The following SLC35F1 variants were observed in gnomAD, a reference collection of about 807,000 sequenced individuals.
SLC35F1 encodes the protein chromosome 6 open reading frame 169.
In SLC35F1, 14 loss-of-function variants were observed where a neutral mutation model predicts 48.7. The ratio of observed to expected loss-of-function variants is 0.29; its 90% CI spans 0.19 to 0.45. The LOEUF (loss-of-function observed/expected upper bound fraction) is 0.45, where lower values mean the gene tolerates loss of function less well. Among genes scored for constraint, SLC35F1 ranks in the 20% least tolerant of loss-of-function variants. SLC35F1 has a pLI of 1.00. For missense variants in SLC35F1, 404 were observed against 500.0 expected, an observed-to-expected ratio of 0.81 and a Z score of 1.83; for synonymous variants, 190 against 202.2, an observed-to-expected ratio of 0.94 and a Z score of 0.51.
chr6:118,251,723 G>T (rs1184136726), intron 3 of SLC35F1, among the ~76,000 whole-genome samples: 1 of 152,066 alleles, frequency 6.6e-6, no homozygotes, highest in East Asian at 1.9e-4. Context: ...GAAAGGACTT[G>T]GTGACTTATT....
In SLC35F1 at chr6:117,923,628, CAT is replaced by C. The variant is rs371926029; in HGVS notation, c.173+15734_173+15735del. On this transcript the variant is annotated intron_variant, in intron 1 of 7. Coordinates refer to ENST00000360388, the MANE Select transcript of SLC35F1 (RefSeq NM_001029858.4). ...ATATACATATACATATGTATATATA[CAT>C]ATATGTACATATGTACATATGTACA... 3.7e-4 allele frequency among the ~76,000 whole-genome samples: 28 copies of C among 74,798 alleles called. 8 individuals are homozygous for C. The highest frequency in any genetic ancestry group is 2.6e-3 in the Admixed American group (16 of 6,148). 49.1% of individuals were successfully genotyped at this position (74,798 alleles called of 152,430 possible).
At chr6:118,270,452 C>T (rs1044904753) in intron 4 of SLC35F1, among the ~76,000 whole-genome samples, 1 of 152,140 alleles carries the variant, frequency 6.6e-6, no homozygotes, top group Non-Finnish European at 1.5e-5. Context: ...TAGTCCCCAG[C>T]CTGGAAGACT....
intron 3 of SLC35F1, among the ~76,000 whole-genome samples, chr6:118,243,874 A>T (rs1009477718): frequency 1.3e-5 from 2 of 152,204 alleles, no homozygotes; most frequent in African/African-American, 4.8e-5. Flanking sequence ...ATGGAAGTTT[A>T]ATGACTATTC....
chr6:118,165,756 G>A (rs1774308282), intron 2 of SLC35F1, among the ~76,000 whole-genome samples: 1 of 152,202 alleles, frequency 6.6e-6, no homozygotes, highest in Non-Finnish European at 1.5e-5. Flanking sequence ...GCCAGGACAG[G>A]ATGGCATTCT....
Position 118,244,689 on chromosome 6 carries a change from T to C in SLC35F1, c.477+9053T>C, listed in dbSNP as rs546435109. Among the ~76,000 whole-genome samples the C allele has an allele frequency of 2.5e-3, 383 of 152,376 alleles. 2 individuals are homozygous for C. The highest frequency in any genetic ancestry group is 4.9e-3 in the Non-Finnish European group (334 of 68,028). ...ATAGTAACTGTCACTTTCTACTCTA[T>C]ATGATAATTGTTTATTTGTATATTT... On this transcript the variant is annotated intron_variant, in intron 3 of 7. Coordinates refer to ENST00000360388, the MANE Select transcript of SLC35F1 (RefSeq NM_001029858.4).
intron 1 of SLC35F1, among the ~76,000 whole-genome samples, chr6:118,049,596 CA>C (rs1257017138): frequency 6.6e-6 from 1 of 150,830 alleles, no homozygotes; most frequent in Non-Finnish European, 1.5e-5. Context: ...TTTATGCAGC[CA>C]AAAAACACAT....
intron 1 of SLC35F1, among the ~76,000 whole-genome samples, chr6:117,988,820 T>A (rs1776880935): frequency 6.6e-6 from 1 of 152,230 alleles, no homozygotes; most frequent in Non-Finnish European, 1.5e-5. Context: ...ACAGAGTTTC[T>A]GTTTGGGATG....
chr6:118,012,546 T>G (rs1562263971), intron 1 of SLC35F1, among the ~76,000 whole-genome samples: 2 of 152,254 alleles, frequency 1.3e-5, no homozygotes, highest in South Asian at 4.2e-4. Context: ...ATCCTGCTGC[T>G]TCCTTCCATA....
intron 1 of SLC35F1, among the ~76,000 whole-genome samples, chr6:118,092,434 C>A (rs896077962): frequency 6.6e-6 from 1 of 152,212 alleles, no homozygotes; most frequent in African/African-American, 2.4e-5. Flanking sequence ...GGGCAAGGCC[C>A]TCATGGAGAA....
chr6:117,977,054 T>C (rs1776714407), intron 1 of SLC35F1, among the ~76,000 whole-genome samples: 1 of 152,248 alleles, frequency 6.6e-6, no homozygotes, highest in Admixed American at 6.5e-5. Flanking sequence ...TTATATGCTT[T>C]TCCATTTTCT....
At chr6:117,974,891 C>T (rs969623905) in intron 1 of SLC35F1, among the ~76,000 whole-genome samples, 3 of 152,212 alleles carry the variant, frequency 2.0e-5, no homozygotes, top group African/African-American at 7.2e-5. Flanking sequence ...AGTGGACTCA[C>T]ATATCTGCTT....
chr6:117,998,091 A>C (rs1175205524), intron 1 of SLC35F1, among the ~76,000 whole-genome samples: 14 of 149,384 alleles, frequency 9.4e-5, no homozygotes, highest in South Asian at 2.2e-4. Flanking sequence ...TCTACCAAGC[A>C]AATGGAAAAC....
chr6:117,912,765 G>T, intron 1 of SLC35F1, among the ~76,000 whole-genome samples: 1 of 152,164 alleles, frequency 6.6e-6, no homozygotes, highest in Non-Finnish European at 1.5e-5. Context: ...CAGTATACTT[G>T]TATTTATGCC....
Position 117,922,570 on chromosome 6 carries a change from TTTAG to T in SLC35F1, c.173+14675_173+14678del, listed in dbSNP as rs147013111. On this transcript the variant is annotated intron_variant, in intron 1 of 7. Coordinates refer to ENST00000360388, the MANE Select transcript of SLC35F1 (RefSeq NM_001029858.4). Reference sequence around the variant, plus strand: ...TGCTACATCGTTAAGTATATTTTAATTTAGTTAATCAGTTATTATTTTAGTAATC... The same window carrying T: ...TGCTACATCGTTAAGTATATTTTAATTTAATCAGTTATTATTTTAGTAATC... Among the ~76,000 whole-genome samples, 1,364 of 152,288 alleles carry T rather than the reference TTTAG, an allele frequency of 9.0e-3. 19 individuals are homozygous for T. Among genetic ancestry groups the T allele is most frequent in the East Asian group, 0.03 (154 of 5,184 alleles).
At chr6:118,082,408 G>A (rs1354247616) in intron 1 of SLC35F1, among the ~76,000 whole-genome samples, 1 of 152,154 alleles carries the variant, frequency 6.6e-6, no homozygotes, top group Non-Finnish European at 1.5e-5. Flanking sequence ...ATTTTAGAAA[G>A]TTATGGAACA....
At chr6:117,981,516 G>A (rs190961622) in intron 1 of SLC35F1, among the ~76,000 whole-genome samples, 14 of 152,260 alleles carry the variant, frequency 9.2e-5, no homozygotes, top group African/African-American at 3.1e-4. Flanking sequence ...ACATCAGGGA[G>A]TGCTGGGAGT....
At chr6:118,274,936 T>A (rs1184333812) in intron 4 of SLC35F1, among the ~76,000 whole-genome samples, 1 of 152,170 alleles carries the variant, frequency 6.6e-6, no homozygotes, top group Non-Finnish European at 1.5e-5. Flanking sequence ...GTATACTGAT[T>A]CTGTTTGTTC....
chr6:118,305,898 G>T (rs575004325), intron 7 of SLC35F1, among the ~76,000 whole-genome samples: 2 of 152,100 alleles, frequency 1.3e-5, no homozygotes, highest in Non-Finnish European at 2.9e-5. Flanking sequence ...TATTTACCTC[G>T]TGGAGTGACT....
chr6:118,173,796 C>G (rs1774446658), intron 2 of SLC35F1, among the ~76,000 whole-genome samples: 1 of 152,104 alleles, frequency 6.6e-6, no homozygotes, highest in African/African-American at 2.4e-5. Flanking sequence ...TGCAGAAACC[C>G]TGGTACAGGA....
Sources: gnomAD v4.1 joint callset for allele counts (sites outside exome capture counted in the v4.1 genomes callset) on GRCh38, gnomAD v4.1.1 for gene constraint, MANE v1.5 for transcripts, NCBI Gene and HGNC (gene_info 2026-07-23, HGNC 2026-07-21) for gene names.